PEAK1: variants seen among roughly 807,000 people sequenced by gnomAD.
The protein encoded by PEAK1 is inactive tyrosine-protein kinase PEAK1.
Under a neutral mutation model 124.7 loss-of-function variants are expected in PEAK1, and 54 were observed. The observed-to-expected ratio is 0.43, with a 90% CI of 0.35 to 0.54. PEAK1 has a LOEUF of 0.54. Ranked by LOEUF, PEAK1 falls within the 20% of genes least tolerant of loss-of-function variation. The probability of loss-of-function intolerance (pLI) is 0.01; values close to 1 mark genes in which losing one functional copy is unlikely to be tolerated. For synonymous variants in PEAK1, 719 were observed against 760.0 expected, an observed-to-expected ratio of 0.95 and a Z score of 0.89; for missense variants, 2,046 against 2,134.5, an observed-to-expected ratio of 0.96 and a Z score of 0.82.
At chr15:77,370,597 A>C in intron 1 of PEAK1, 2 of 673,002 alleles carry the variant, frequency 3.0e-6, no homozygotes, top group South Asian at 1.3e-4. Context: ...GAATGCCCTC[A>C]ATTTCTAAAG....
intron 1 of PEAK1, among the ~76,000 whole-genome samples, chr15:77,368,431 T>C (rs921475420): frequency 1.3e-5 from 2 of 151,882 alleles, no homozygotes; most frequent in African/African-American, 2.4e-5. Context: ...GGCGGGGGAA[T>C]TGCTTGAACC....
intron 5 of PEAK1, among the ~76,000 whole-genome samples, chr15:77,264,787 G>A (rs1269550412): frequency 4.6e-5 from 7 of 152,048 alleles, no homozygotes; most frequent in East Asian, 3.9e-4. Context: ...AAAAGAGCCC[G>A]CATCGCCAAG....
chr15:77,247,485 C>CTTTTTTTTT (rs398028029), intron 6 of PEAK1, among the ~76,000 whole-genome samples: 199 of 84,300 alleles, frequency 2.4e-3, no homozygotes, highest in Middle Eastern at 0.011. Flanking sequence ...CTTTTCTTTT[C>CTTTTTTTTT]TTTTTTTTTT....
rs1463507482 is a variant in PEAK1 at position 77,416,414 on chromosome 15, C to A, written c.-666+3592G>T. Among the ~76,000 whole-genome samples, 6 of 152,182 alleles carry A rather than the reference C, an allele frequency of 3.9e-5. No individual in the cohort carries two copies. In the East Asian group the frequency reaches 1.2e-3, roughly 29 times the overall value. ...TCTCATAGAGCCACTCCCTCTTCTA[C>A]ACTCTTCATCATTTCTCACCAGGAA... On this transcript the variant is annotated intron_variant, in intron 1 of 9. Coordinates refer to ENST00000682557, the MANE Select transcript of PEAK1 (RefSeq NM_001385026.1).
Position 77,114,096 on chromosome 15 carries a change from G to T in PEAK1, c.*60C>A. ...AATTTGGAGTGAGCACTAGGGAGGGGAAGTGCATGGGTGACATGAAGAAGG... is the reference window on the plus strand; with the variant it reads ...AATTTGGAGTGAGCACTAGGGAGGGTAAGTGCATGGGTGACATGAAGAAGG... On this transcript the variant is annotated 3_prime_UTR_variant, in exon 10 of 10. Transcript: ENST00000682557. 6.6e-7 allele frequency: 1 copy of T among 1,524,014 alleles called. No homozygotes were observed. Among genetic ancestry groups the T allele is most frequent in the Middle Eastern group, 1.7e-4 (1 of 5,744 alleles). 94.4% of individuals were successfully genotyped at this position (1,524,014 alleles called of 1,614,324 possible).
Position 77,298,862 on chromosome 15 carries a change from C to A in PEAK1, c.-602-12358G>T, listed in dbSNP as rs866679027. 2.6e-5 allele frequency among the ~76,000 whole-genome samples: 4 copies of A among 152,272 alleles called. No homozygotes were observed. In the South Asian group the frequency reaches 8.3e-4, roughly 32 times the overall value. On this transcript the variant is annotated intron_variant, in intron 2 of 9. Transcript: ENST00000682557. ...TTTCCTTAGCGTTACCAGGGCCTAG[C>A]GGTAGCTAAACTTCCACTCCATCAA...
intron 5 of PEAK1, among the ~76,000 whole-genome samples, chr15:77,274,624 C>G (rs1219141766): frequency 6.6e-6 from 1 of 151,500 alleles, no homozygotes; most frequent in African/African-American, 2.4e-5. Context: ...AATTAAAAAA[C>G]CAAAAATAAA....
At chr15:77,189,578 C>A (rs1309018561) in intron 6 of PEAK1, among the ~76,000 whole-genome samples, 1 of 152,144 alleles carries the variant, frequency 6.6e-6, no homozygotes, top group Non-Finnish European at 1.5e-5. Context: ...GCAGAATAAG[C>A]CAGAAGGAAA....
At chr15:77,222,627 T>C (rs1197954278) in intron 6 of PEAK1, among the ~76,000 whole-genome samples, 1 of 151,916 alleles carries the variant, frequency 6.6e-6, no homozygotes, top group Non-Finnish European at 1.5e-5. Context: ...GTTAATCAAC[T>C]GGTCTTGGTG....
chr15:77,148,199 T>C (rs1022582018), intron 8 of PEAK1, among the ~76,000 whole-genome samples: 12 of 152,158 alleles, frequency 7.9e-5, no homozygotes, highest in African/African-American at 2.7e-4. Flanking sequence ...ACAACTCCTA[T>C]TGCACCACAG....
In PEAK1 at chr15:77,108,896, A is replaced by G. The variant is rs2050828733; in HGVS notation, c.*5260T>C. ...GACTTTCTGGAGTGGGAAACATGTAATGGGATGTTGGGAATGCAGGCCCTT... is the reference window on the plus strand; with the variant it reads ...GACTTTCTGGAGTGGGAAACATGTAGTGGGATGTTGGGAATGCAGGCCCTT... On this transcript the variant is annotated 3_prime_UTR_variant, in exon 10 of 10. Transcript: ENST00000682557. 1 of 152,156 alleles carries G rather than the reference A, an allele frequency of 6.6e-6. No individual in the cohort carries two copies. The highest frequency in any genetic ancestry group is 2.4e-5 in the African/African-American group (1 of 41,430). The allele number at this position is 152,156 out of a possible 1,614,324, so 9.4% of individuals were successfully genotyped here.
intron 5 of PEAK1, among the ~76,000 whole-genome samples, chr15:77,252,942 C>A (rs184986173): frequency 3.7e-4 from 57 of 152,286 alleles, no homozygotes; most frequent in African/African-American, 1.3e-3. Flanking sequence ...AAGCAGGTAT[C>A]TCCAAATGTA....
At chr15:77,308,646 A>G (rs573420625) in intron 2 of PEAK1, among the ~76,000 whole-genome samples, 2 of 152,192 alleles carry the variant, frequency 1.3e-5, no homozygotes, top group Non-Finnish European at 2.9e-5. Context: ...AATAATATTT[A>G]TGACACTGAG....
At chr15:77,257,443 A>C (rs1287624858) in intron 5 of PEAK1, among the ~76,000 whole-genome samples, 1 of 149,738 alleles carries the variant, frequency 6.7e-6, no homozygotes, top group Admixed American at 6.7e-5. Context: ...ATGGTATCTC[A>C]TTGTGGTTTT....
intron 2 of PEAK1, among the ~76,000 whole-genome samples, chr15:77,362,600 C>T (rs998804580): frequency 6.6e-6 from 1 of 152,104 alleles, no homozygotes; most frequent in Non-Finnish European, 1.5e-5. Context: ...AACAGTTTGG[C>T]AGTTCCACAA....
chr15:77,351,909 T>G, intron 2 of PEAK1: 1 of 985,414 alleles, frequency 1.0e-6, no homozygotes. Flanking sequence ...TAATGAAGTC[T>G]GGTAGACCTA....
At chr15:77,349,680 T>A in intron 2 of PEAK1, 1 of 984,742 alleles carries the variant, frequency 1.0e-6, no homozygotes, top group African/African-American at 1.7e-5. Context: ...ATCCTTTACA[T>A]TGTCCTTTCT....
rs528546600 is a variant in PEAK1, at chr15:77,263,331, A to G, written c.-274-10805T>C. On this transcript the variant is annotated intron_variant, in intron 5 of 9. Transcript: ENST00000682557. ...GAATCCAGGAGCTGGTTTTTTGAAA[A>G]GATCAACAAAATTGATAGACCGCTA... 2.6e-4 allele frequency among the ~76,000 whole-genome samples: 39 copies of G among 152,290 alleles called. No individual in the cohort carries two copies. In the South Asian group the frequency reaches 8.1e-3, roughly 32 times the overall value.
chr15:77,213,271 G>T (rs576552730), intron 6 of PEAK1, among the ~76,000 whole-genome samples: 2 of 152,220 alleles, frequency 1.3e-5, no homozygotes, highest in African/African-American at 4.8e-5. Flanking sequence ...TAGGGGAGTA[G>T]AAATTTATAC....
Sources: gnomAD v4.1 joint callset for allele counts (sites outside exome capture counted in the v4.1 genomes callset) on GRCh38, gnomAD v4.1.1 for gene constraint, MANE v1.5 for transcripts, NCBI Gene and HGNC (gene_info 2026-07-23, HGNC 2026-07-21) for gene names.